SLCO4C1: variants seen among roughly 807,000 people sequenced by gnomAD.
SLCO4C1 encodes organic anion transporter M1.
A neutral mutation model predicts 72.1 loss-of-function variants in SLCO4C1; 58 were observed. The ratio of observed to expected loss-of-function variants is 0.80; its 90% CI spans 0.65 to 1.00. The LOEUF is 1.00. SLCO4C1 is among the 50% of genes least tolerant of loss of function. The pLI is 0.00. For synonymous variants in SLCO4C1, 297 were observed against 312.5 expected, an observed-to-expected ratio of 0.95 and a Z score of 0.52; for missense variants, 898 against 857.9, an observed-to-expected ratio of 1.05 and a Z score of -0.58.
At chr5:102,267,357 T>C (rs1451007823) in intron 3 of SLCO4C1, among the ~76,000 whole-genome samples, 1 of 152,104 alleles carries the variant, frequency 6.6e-6, no homozygotes, top group African/African-American at 2.4e-5. Context: ...TCTTGGTAGG[T>C]TGTATGTGCC....
intron 12 of SLCO4C1, among the ~76,000 whole-genome samples, chr5:102,238,667 T>G (rs1748482553): frequency 6.6e-6 from 1 of 152,184 alleles, no homozygotes; most frequent in Non-Finnish European, 1.5e-5. Flanking sequence ...TTTTAAATTT[T>G]TAAATTTCAA....
intron 2 of SLCO4C1, among the ~76,000 whole-genome samples, chr5:102,281,218 C>T (rs1277899206): frequency 6.6e-6 from 1 of 152,078 alleles, no homozygotes; most frequent in Non-Finnish European, 1.5e-5. Context: ...ACAGACTTTT[C>T]AAATGGAGCT....
intron 2 of SLCO4C1, among the ~76,000 whole-genome samples, chr5:102,274,727 G>A (rs1462510577): frequency 6.6e-6 from 1 of 152,128 alleles, no homozygotes; most frequent in African/African-American, 2.4e-5. Context: ...GTGCTTTGAC[G>A]TGGCTAACTT....
intron 2 of SLCO4C1, among the ~76,000 whole-genome samples, chr5:102,284,381 G>A (rs943554279): frequency 2.0e-5 from 3 of 152,098 alleles, no homozygotes; most frequent in Non-Finnish European, 4.4e-5. Flanking sequence ...TCATAATAAA[G>A]TTTCTAAACT....
chr5:102,254,915 T>A (rs1196169633), intron 8 of SLCO4C1, among the ~76,000 whole-genome samples: 1 of 152,176 alleles, frequency 6.6e-6, no homozygotes, highest in Non-Finnish European at 1.5e-5. Flanking sequence ...CCTTTTCTTT[T>A]ATACGTGTTT....
chr5:102,291,682 G>T, intron 1 of SLCO4C1, 76 bp from the exon 2 acceptor site: 1 of 1,231,666 alleles, frequency 8.1e-7, no homozygotes, highest in Non-Finnish European at 1.1e-6. Flanking sequence ...ATGAAGTAGA[G>T]TTTGATTATT....
rs551898386 is a variant in SLCO4C1 at position 102,273,352 on chromosome 5, C to G, written c.620-2546G>C. ...ATGATTTAAAAAGATATGGAGAATC[C>G]CAGGAAAATCTGATGCAGGACTTTC... On this transcript the variant is annotated intron_variant, in intron 2 of 12. Transcript: ENST00000310954. Among the ~76,000 whole-genome samples the G allele has an allele frequency of 6.0e-4, 91 of 151,770 alleles. 1 individual carries two copies. Among genetic ancestry groups the G allele is most frequent in the African/African-American group, 2.1e-3 (85 of 41,408 alleles).
chr5:102,289,716 A>G (rs984719883), intron 2 of SLCO4C1, among the ~76,000 whole-genome samples: 9 of 152,234 alleles, frequency 5.9e-5, no homozygotes, highest in African/African-American at 9.6e-5. Context: ...AGTCTTGTCC[A>G]ATCTCAGATA....
chr5:102,261,676 C>G (rs1748946781), intron 5 of SLCO4C1, among the ~76,000 whole-genome samples: 1 of 151,512 alleles, frequency 6.6e-6, no homozygotes, highest in South Asian at 2.1e-4. Context: ...TTATTAAGTA[C>G]TAAAGAGGTA....
intron 3 of SLCO4C1, among the ~76,000 whole-genome samples, chr5:102,269,084 T>G (rs930530976): frequency 6.6e-6 from 1 of 152,108 alleles, no homozygotes; most frequent in East Asian, 1.9e-4. Flanking sequence ...TCTTCTTTTG[T>G]TATTTTTAGA....
At chr5:102,263,803 G>A in intron 3 of SLCO4C1, 23 bp from the exon 4 acceptor site, 1 of 1,563,670 alleles carries the variant, frequency 6.4e-7, no homozygotes, top group Non-Finnish European at 8.8e-7. Context: ...CAGAGACATT[G>A]AATACAGTCA....
At chr5:102,262,815 A>G (rs1475129142) in intron 4 of SLCO4C1, among the ~76,000 whole-genome samples, 1 of 152,188 alleles carries the variant, frequency 6.6e-6, no homozygotes, top group East Asian at 1.9e-4. Flanking sequence ...CTGGGTCACT[A>G]ATTCAAGAGT....
chr5:102,246,983 A>T (rs1748646326), intron 10 of SLCO4C1, among the ~76,000 whole-genome samples: 2 of 152,160 alleles, frequency 1.3e-5, no homozygotes, highest in Admixed American at 6.5e-5. Context: ...TCTCCAGCTC[A>T]CACCTGAAGC....
chr5:102,264,997 T>C (rs1377447684), intron 3 of SLCO4C1, among the ~76,000 whole-genome samples: 1 of 152,052 alleles, frequency 6.6e-6, no homozygotes, highest in Non-Finnish European at 1.5e-5. Flanking sequence ...CTGTTGTATA[T>C]ACATTTCGCA....
chr5:102,288,491 A>C (rs956404226), intron 2 of SLCO4C1, among the ~76,000 whole-genome samples: 1 of 152,164 alleles, frequency 6.6e-6, no homozygotes, highest in Non-Finnish European at 1.5e-5. Flanking sequence ...TCCCACCTGG[A>C]CTACAATAAA....
intron 1 of SLCO4C1, among the ~76,000 whole-genome samples, chr5:102,294,751 A>G (rs549636577): frequency 3.3e-5 from 5 of 152,210 alleles, no homozygotes; most frequent in Non-Finnish European, 7.3e-5. Context: ...CTTGCAATCA[A>G]TAAATGGTTA....
In SLCO4C1 at chr5:102,239,276, C is replaced by T. The variant is rs747197924; in HGVS notation, c.1989G>A (p.Lys663=). The part of the protein sequence containing the change: ...KGACWIYDNI[K]MAHMLVAISV... Reference sequence around the variant, plus strand: ...TTATGGCTACTAGCATATGGGCCATCTTGATGTTATCATAAATCCAGCAAG... The same window carrying T: ...TTATGGCTACTAGCATATGGGCCATTTTGATGTTATCATAAATCCAGCAAG... Residue 663 remains lysine (K), a synonymous_variant, in exon 12 of 13, where the codon AAG becomes AAA. Coordinates refer to ENST00000310954, the MANE Select transcript of SLCO4C1 (RefSeq NM_180991.5). 1 of 1,598,898 alleles carries T rather than the reference C, an allele frequency of 6.3e-7. No individual in the cohort carries two copies.
chr5:102,236,603 T>TGTGGGTGTGTGTGTGTGTGC lies in SLCO4C1; in HGVS notation c.*254_*255insGCACACACACACACACCCAC. On this transcript the variant is annotated 3_prime_UTR_variant, in exon 13 of 13. Transcript: ENST00000310954. ...GTGCGTGTGTGTGTGTGTGTGTGTG[T>TGTGGGTGTGTGTGTGTGTGC]TCGTGTGTGTGTGTGTGTGTGTGCT... The TGTGGGTGTGTGTGTGTGTGC allele has an allele frequency of 3.0e-6, 1 of 336,162 alleles. No homozygotes were observed. Among genetic ancestry groups the TGTGGGTGTGTGTGTGTGTGC allele is most frequent in the South Asian group, 3.2e-5 (1 of 31,344 alleles). 20.8% of individuals were successfully genotyped at this position (336,162 alleles called of 1,614,324 possible).
chr5:102,294,907 GT>G (rs1257503752), intron 1 of SLCO4C1, among the ~76,000 whole-genome samples: 1 of 152,130 alleles, frequency 6.6e-6, no homozygotes, highest in Non-Finnish European at 1.5e-5. Flanking sequence ...TATTTCTAAG[GT>G]TGTATTTCTT....
Sources: allele counts gnomAD v4.1 joint callset (sites outside exome capture counted in the v4.1 genomes callset), GRCh38; gene constraint gnomAD v4.1.1; transcripts MANE v1.5; gene names NCBI Gene and HGNC (gene_info 2026-07-23, HGNC 2026-07-21).